HFM1: variants seen among roughly 807,000 people sequenced by gnomAD.
HFM1 encodes the protein helicase for meiosis 1.
In HFM1, 169 loss-of-function variants were observed where a neutral mutation model predicts 192.1. That is an observed-to-expected ratio of 0.88 (90% CI 0.78 to 1.00). The LOEUF (loss-of-function observed/expected upper bound fraction) is 1.00. HFM1 is among the 50% of genes least tolerant of loss of function. The pLI, the probability that HFM1 is intolerant of heterozygous loss-of-function variation, is 0.00. For synonymous variants in HFM1, 525 were observed against 537.8 expected, an observed-to-expected ratio of 0.98 and a Z score of 0.33; for missense variants, 1,661 against 1,668.0, an observed-to-expected ratio of 1.00 and a Z score of 0.07.
chr1:91,366,299 C>T (rs940675385), intron 13 of HFM1, among the ~76,000 whole-genome samples: 1 of 152,192 alleles, frequency 6.6e-6, no homozygotes, highest in Non-Finnish European at 1.5e-5. Context: ...CCAGATATTT[C>T]TATGTGAATC....
At chr1:91,292,073 T>C (rs981386833) in intron 30 of HFM1, among the ~76,000 whole-genome samples, 8 of 151,966 alleles carry the variant, frequency 5.3e-5, no homozygotes, top group Non-Finnish European at 1.0e-4. Context: ...CAGCTATCTA[T>C]GACAAACCCA....
At chr1:91,291,982 T>C (rs891348211) in intron 30 of HFM1, among the ~76,000 whole-genome samples, 4 of 151,916 alleles carry the variant, frequency 2.6e-5, no homozygotes, top group African/African-American at 9.7e-5. Context: ...GCAGAAAAGG[T>C]CTTTGACAAA....
chr1:91,360,013 CCAAA>C (rs1410014550), intron 13 of HFM1, among the ~76,000 whole-genome samples: 1 of 152,126 alleles, frequency 6.6e-6, no homozygotes, highest in Non-Finnish European at 1.5e-5. Context: ...TCCTATCTGG[CCAAA>C]CAAAGCTTCA....
At chr1:91,404,981 T>C (rs1244326954), upstream of HFM1, 1 of 392,982 alleles carries the variant, frequency 2.5e-6, no homozygotes. Flanking sequence ...GTTTACTGTG[T>C]CTATTCTCTT....
At chr1:91,403,162 G>A (rs1664482617) in intron 1 of HFM1, among the ~76,000 whole-genome samples, 1 of 151,966 alleles carries the variant, frequency 6.6e-6, no homozygotes. Flanking sequence ...TGTTTATTAT[G>A]TTTCTCCCTT....
At chr1:91,335,765 C>A (rs1175043319) in intron 20 of HFM1, among the ~76,000 whole-genome samples, 1 of 152,090 alleles carries the variant, frequency 6.6e-6, no homozygotes, top group African/African-American at 2.4e-5. Context: ...CCTCCTACTG[C>A]AAGACGTGTC....
intron 30 of HFM1, among the ~76,000 whole-genome samples, chr1:91,281,604 T>G (rs1271782591): frequency 1.3e-5 from 2 of 152,256 alleles, no homozygotes; most frequent in Admixed American, 1.3e-4. Flanking sequence ...AAAGGATGTA[T>G]AAGAATAAAA....
intron 8 of HFM1, among the ~76,000 whole-genome samples, 179 bp downstream of exon 8, chr1:91,379,925 T>G (rs1219544095): frequency 6.6e-6 from 1 of 152,144 alleles, no homozygotes; most frequent in Non-Finnish European, 1.5e-5. Context: ...AAATATTACT[T>G]TTTATTTATA....
intron 11 of HFM1, among the ~76,000 whole-genome samples, chr1:91,375,963 A>G (rs138704420): frequency 1.2e-3 from 180 of 149,142 alleles, no homozygotes; most frequent in African/African-American, 4.4e-3. Flanking sequence ...CTTCCAATTA[A>G]TTATTATTAT....
chr1:91,404,497 T>C (rs1162340199), intron 1 of HFM1: 1 of 213,176 alleles, frequency 4.7e-6, no homozygotes, highest in Admixed American at 6.4e-5. Context: ...ATCAGCCGAC[T>C]TTAGGGGCGG....
intron 20 of HFM1, among the ~76,000 whole-genome samples, chr1:91,336,773 C>T (rs1006420795): frequency 6.6e-6 from 1 of 152,178 alleles, no homozygotes; most frequent in Non-Finnish European, 1.5e-5. Flanking sequence ...TGTAAAGATA[C>T]ATGCACACGT....
chr1:91,346,221 A>T (rs554925668), intron 19 of HFM1, among the ~76,000 whole-genome samples: 1 of 152,350 alleles, frequency 6.6e-6, no homozygotes, highest in African/African-American at 2.4e-5. Context: ...GACTGAAGAC[A>T]AGGCAAGTAT....
chr1:91,329,459 G>C (rs1653473469), intron 20 of HFM1: 5 of 1,569,398 alleles, frequency 3.2e-6, no homozygotes, highest in South Asian at 1.2e-5. Context: ...CAGAATCAAA[G>C]GGATCCACTA....
intron 6 of HFM1, among the ~76,000 whole-genome samples, chr1:91,383,658 A>C (rs1384307346): frequency 6.6e-6 from 1 of 152,146 alleles, no homozygotes; most frequent in Non-Finnish European, 1.5e-5. Flanking sequence ...TCTGGAATTC[A>C]TTTTTCATTT....
chr1:91,318,967 A>G, intron 25 of HFM1, 111 bp downstream of exon 25: 1 of 1,100,650 alleles, frequency 9.1e-7, no homozygotes, highest in Non-Finnish European at 1.3e-6. Flanking sequence ...TAAGCCTACA[A>G]ACACATACCT....
At chr1:91,284,241 A>T (rs559574704) in intron 30 of HFM1, among the ~76,000 whole-genome samples, 225 of 150,322 alleles carry the variant, frequency 1.5e-3, no homozygotes, top group Non-Finnish European at 2.4e-3. Flanking sequence ...TTATTATTAT[A>T]TTATTATTAT....
In HFM1 at chr1:91,385,812, T is replaced by C. The variant is rs897634028; in HGVS notation, c.517A>G (p.Ile173Val). The C allele has an allele frequency of 2.8e-5, 44 of 1,598,872 alleles. No individual in the cohort carries two copies. Among genetic ancestry groups the C allele is most frequent in the Non-Finnish European group, 3.3e-5 (39 of 1,171,400 alleles). ...RKRLFKISDN[I>V]HGSAYSNDNE... ...TCATTAGAATAAGCACTCCCATGTA[T>C]ATTGTCAGATATTTTAAATAATCTG... The change falls in exon 5 of 39, where the codon ATA (isoleucine) becomes GTA (valine). Residue 173 changes from isoleucine to valine, a missense_variant. Transcript: ENST00000370425.
At position 91,349,852 on chromosome 1, in the gene HFM1, T is replaced by C. The variant is rs528558073; in HGVS notation, c.2206+886A>G. Among the ~76,000 whole-genome samples, 17 of 152,350 alleles carry C rather than the reference T, an allele frequency of 1.1e-4. No homozygotes were observed. The South Asian group carries it at 3.3e-3, about 30-fold the overall frequency. On this transcript the variant is annotated intron_variant, in intron 18 of 38. Transcript: ENST00000370425. The stretch of plus-strand genomic sequence containing the variant: ...TAAAAGGAATGGAAAACTAATACAA[T>C]ATGCCACGATTTGTGTTTAAAAGGT...
At position 91,264,361 on chromosome 1, in the gene HFM1, A is replaced by ATTTTTTTTTTTTT. The variant is rs71087940; in HGVS notation, c.3974+1643_3974+1655dup. ...TTCCAAGGGATACCACAAATTTAGTATTTTTTTTTTTTTTTTTTTTTTTTT... is the reference window on the plus strand; with the variant it reads ...TTCCAAGGGATACCACAAATTTAGTATTTTTTTTTTTTTTTTTTTTTTTTTTTTTTTTTTTTTT... On this transcript the variant is annotated intron_variant, in intron 36 of 38. Coordinates refer to ENST00000370425, the MANE Select transcript of HFM1 (RefSeq NM_001017975.6). 2.5e-3 allele frequency among the ~76,000 whole-genome samples: 143 copies of ATTTTTTTTTTTTT among 57,094 alleles called. 35 individuals are homozygous for ATTTTTTTTTTTTT. The highest frequency in any genetic ancestry group is 9.1e-3 in the African/African-American group (115 of 12,666). The allele number at this position is 57,094 out of a possible 152,430, so 37.5% of individuals were successfully genotyped here.
Sources: allele counts gnomAD v4.1 joint callset (sites outside exome capture counted in the v4.1 genomes callset), GRCh38; gene constraint gnomAD v4.1.1; transcripts MANE v1.5; gene names NCBI Gene and HGNC (gene_info 2026-07-23, HGNC 2026-07-21).